The following SLC2A5 variants were observed in gnomAD, a reference collection of about 807,000 sequenced individuals.
The protein encoded by SLC2A5 is solute carrier family 2 member 5.
SLC2A5 carries 56 observed loss-of-function variants against 50.3 expected under a neutral mutation model. The ratio of observed to expected loss-of-function variants is 1.11; its 90% CI spans 0.90 to 1.39. The LOEUF (loss-of-function observed/expected upper bound fraction) is 1.39. SLC2A5 is among the 40% of genes most tolerant of loss of function. The pLI is 0.00. For missense variants in SLC2A5, 566 were observed against 650.1 expected (o/e 0.87, Z 1.41); for synonymous variants, 269 against 281.9 (o/e 0.95, Z 0.46).
rs1047831445 is a variant in SLC2A5 at position 9,043,297 on chromosome 1, T to C, written c.419-1360A>G. On this transcript the variant is annotated intron_variant, in intron 4 of 11. Coordinates refer to ENST00000377424, the MANE Select transcript of SLC2A5 (RefSeq NM_003039.3). ...ATAGGAGGGTACCTGAGGCCATGTT[T>C]TCCTGTTTGGCAATTCTACCCACAG... 2.6e-5 allele frequency among the ~76,000 whole-genome samples: 4 copies of C among 152,198 alleles called. No individual in the cohort carries two copies. The East Asian group carries it at 7.7e-4, about 29-fold the overall frequency.
chr1:9,037,886 G>A lies in SLC2A5; in HGVS notation c.1302+11C>T. 6.2e-7 allele frequency: 1 copy of A among 1,613,826 alleles called. No individual in the cohort carries two copies. Among genetic ancestry groups the A allele is most frequent in the Non-Finnish European group, 8.5e-7 (1 of 1,180,002 alleles). The stretch of plus-strand genomic sequence containing the variant: ...ATCTGGTGGTGAGCGTGGGCCCCGG[G>A]CCCCACTCACCTGGATGAACGGGAA... On this transcript the variant is annotated intron_variant, in intron 11 of 11. Coordinates refer to ENST00000377424, the MANE Select transcript of SLC2A5 (RefSeq NM_003039.3).
At chr1:9,044,610 A>G (rs1641393327) in intron 4 of SLC2A5, among the ~76,000 whole-genome samples, 1 of 152,026 alleles carries the variant, frequency 6.6e-6, no homozygotes, top group Non-Finnish European at 1.5e-5. Flanking sequence ...GCTGGAGTAC[A>G]GTGGCACGAT....
chr1:9,074,346 T>G (rs1450664863), upstream of SLC2A5, among the ~76,000 whole-genome samples: 1 of 152,104 alleles, frequency 6.6e-6, no homozygotes, highest in African/African-American at 2.4e-5. Context: ...TGTGCCTTTC[T>G]CCAAAGATGA....
intron 2 of SLC2A5, among the ~76,000 whole-genome samples, chr1:9,082,228 T>C (rs1039819516): frequency 1.3e-5 from 2 of 152,188 alleles, no homozygotes; most frequent in Non-Finnish European, 2.9e-5. Flanking sequence ...AATTACCATA[T>C]GACCTAGCAA....
At chr1:9,090,775 C>T (rs1642455228), upstream of SLC2A5, among the ~76,000 whole-genome samples, 1 of 152,224 alleles carries the variant, frequency 6.6e-6, no homozygotes, top group African/African-American at 2.4e-5. Context: ...GGTTTAGGGA[C>T]AGCCCTCACT....
At chr1:9,081,481 A>G (rs986708449) in intron 2 of SLC2A5, among the ~76,000 whole-genome samples, 29 of 150,748 alleles carry the variant, frequency 1.9e-4, no homozygotes, top group Non-Finnish European at 3.3e-4. Flanking sequence ...AAAAAAAAAA[A>G]AAAAAAAAGT....
At chr1:9,050,939 T>TA (rs1385544643) in intron 3 of SLC2A5, among the ~76,000 whole-genome samples, 2 of 152,082 alleles carry the variant, frequency 1.3e-5, no homozygotes, top group Admixed American at 1.3e-4. Context: ...TCAAAATACA[T>TA]ACAGCGTCAA....
chr1:9,051,586 C>A (rs1055830291), intron 3 of SLC2A5, among the ~76,000 whole-genome samples: 1 of 152,088 alleles, frequency 6.6e-6, no homozygotes, highest in Admixed American at 6.6e-5. Context: ...GCAAATTAAA[C>A]AATAAGGTAC....
exon 1 of SLC2A5, chr1:9,088,417 AC>A (rs1642424697): frequency 6.6e-6 from 1 of 151,994 alleles, no homozygotes; most frequent in Non-Finnish European, 1.5e-5. Context: ...CAGTTTGCCA[AC>A]CACCCCTGGT....
At chr1:9,066,021 C>A (rs1642071958) in intron 1 of SLC2A5, among the ~76,000 whole-genome samples, 1 of 152,058 alleles carries the variant, frequency 6.6e-6, no homozygotes, top group East Asian at 1.9e-4. Flanking sequence ...CACTTAGGAC[C>A]ATGCCTGGTC....
chr1:9,092,021 C>A (rs12738912), upstream of SLC2A5, among the ~76,000 whole-genome samples: 1 of 152,096 alleles, frequency 6.6e-6, no homozygotes, highest in Non-Finnish European at 1.5e-5. Flanking sequence ...GGCTATCTCA[C>A]GGCTCAGGGA....
intron 4 of SLC2A5, among the ~76,000 whole-genome samples, chr1:9,045,645 C>T (rs558800462): frequency 3.9e-5 from 6 of 151,956 alleles, no homozygotes; most frequent in African/African-American, 1.2e-4. Context: ...CCCAGCATTT[C>T]GGGAGGCTGA....
chr1:9,041,778 A>T lies in SLC2A5; in HGVS notation c.571+7T>A. The T allele has an allele frequency of 6.2e-7, 1 of 1,614,062 alleles. No individual in the cohort carries two copies. The highest frequency in any genetic ancestry group is 1.3e-5 in the African/African-American group (1 of 75,052). ...GTGGGGGTGCTCCCGAGATGTCCTGAACTCACCATCTACGTTTGCAAGGAG... is the reference window on the plus strand; with the variant it reads ...GTGGGGGTGCTCCCGAGATGTCCTGTACTCACCATCTACGTTTGCAAGGAG... On this transcript the variant is annotated splice_region_variant and intron_variant, in intron 5 of 11. Coordinates refer to ENST00000377424, the MANE Select transcript of SLC2A5 (RefSeq NM_003039.3).
intron 3 of SLC2A5, among the ~76,000 whole-genome samples, chr1:9,048,091 G>A (rs1185617162): frequency 1.3e-5 from 2 of 152,126 alleles, no homozygotes; most frequent in Non-Finnish European, 2.9e-5. Context: ...GGACATTAGA[G>A]GAAAAGAAAA....
chr1:9,083,892 C>T (rs779880911), intron 2 of SLC2A5, among the ~76,000 whole-genome samples: 23 of 152,092 alleles, frequency 1.5e-4, no homozygotes, highest in Non-Finnish European at 3.2e-4. Flanking sequence ...CGCCTGTAAT[C>T]CCAGCACTTT....
intron 2 of SLC2A5, among the ~76,000 whole-genome samples, chr1:9,081,956 C>T (rs1642358284): frequency 6.6e-6 from 1 of 152,058 alleles, no homozygotes; most frequent in East Asian, 1.9e-4. Flanking sequence ...TTGGTGCACA[C>T]CTGTAATCCC....
intron 4 of SLC2A5, among the ~76,000 whole-genome samples, 198 bp from the exon 5 acceptor site, chr1:9,042,135 G>A (rs903494779): frequency 1.1e-4 from 16 of 152,210 alleles, no homozygotes; most frequent in African/African-American, 3.9e-4. Flanking sequence ...AGGAGCTCAT[G>A]CACAGGGGCC....
At chr1:9,039,419 A>G (rs1641231834) in intron 8 of SLC2A5, 133 bp downstream of exon 8, 1 of 651,982 alleles carries the variant, frequency 1.5e-6, no homozygotes, top group Non-Finnish European at 2.5e-6. Context: ...CACCTCCCAC[A>G]CAGAGTTTCT....
At chr1:9,063,438 T>C (rs1346488801) in intron 1 of SLC2A5, among the ~76,000 whole-genome samples, 4 of 152,016 alleles carry the variant, frequency 2.6e-5, no homozygotes, top group Non-Finnish European at 5.9e-5. Context: ...AGTGGCACAA[T>C]CTCAGCTCAC....
Sources: gnomAD v4.1 joint callset for allele counts (sites outside exome capture counted in the v4.1 genomes callset) on GRCh38, gnomAD v4.1.1 for gene constraint, MANE v1.5 for transcripts, NCBI Gene and HGNC (gene_info 2026-07-23, HGNC 2026-07-21) for gene names.